Variants in KCNT2 observed in about 807,000 individuals in gnomAD.
The protein encoded by KCNT2 is potassium sodium-activated channel subfamily T member 2.
Under a neutral mutation model 153.8 loss-of-function variants are expected in KCNT2, and 67 were observed. The ratio of observed to expected loss-of-function variants is 0.44; its 90% confidence interval spans 0.36 to 0.53. The LOEUF (loss-of-function observed/expected upper bound fraction) is 0.53, where lower values mean the gene tolerates loss of function less well. KCNT2 is among the 20% of genes least tolerant of loss of function. The probability of loss-of-function intolerance (pLI) is 0.00; values close to 1 mark genes in which losing one functional copy is unlikely to be tolerated. For missense variants in KCNT2, 975 were observed against 1,354.8 expected (o/e 0.72, Z 4.40); for synonymous variants, 500 against 458.8 (o/e 1.09, Z -1.15).
chr1:196,464,688 A>G (rs1007168581), intron 8 of KCNT2, among the ~76,000 whole-genome samples: 1 of 151,974 alleles, frequency 6.6e-6, no homozygotes, highest in Non-Finnish European at 1.5e-5. Context: ...GAATGAATCC[A>G]TATGTCCGGT....
intron 5 of KCNT2, among the ~76,000 whole-genome samples, chr1:196,471,032 C>A (rs1678056843): frequency 6.6e-6 from 1 of 151,734 alleles, no homozygotes; most frequent in Non-Finnish European, 1.5e-5. Flanking sequence ...AGGCACCCAC[C>A]ACCACGCCCG....
chr1:196,438,486 A>C (rs1293830911), intron 8 of KCNT2, among the ~76,000 whole-genome samples: 3 of 151,832 alleles, frequency 2.0e-5, no homozygotes, highest in Non-Finnish European at 4.4e-5. Context: ...AGAAGGCTCC[A>C]AAAAAAGAAG....
intron 4 of KCNT2, among the ~76,000 whole-genome samples, chr1:196,480,330 G>T (rs939622202): frequency 2.0e-5 from 3 of 152,138 alleles, no homozygotes; most frequent in East Asian, 1.9e-4. Flanking sequence ...GAATTTAAAA[G>T]AATATTAAAA....
intron 12 of KCNT2, among the ~76,000 whole-genome samples, chr1:196,407,803 G>A (rs1671952912): frequency 6.6e-6 from 1 of 151,240 alleles, no homozygotes; most frequent in South Asian, 2.1e-4. Flanking sequence ...ATATGTCTTT[G>A]ACATTTAAGA....
chr1:196,461,218 T>G (rs1302026866), intron 8 of KCNT2, among the ~76,000 whole-genome samples: 3 of 137,358 alleles, frequency 2.2e-5, no homozygotes, highest in Non-Finnish European at 4.4e-5. Flanking sequence ...TTTAAATAGG[T>G]TTTAATCGAT....
intron 1 of KCNT2, among the ~76,000 whole-genome samples, chr1:196,527,188 AT>A (rs536103946): frequency 3.0e-4 from 46 of 152,310 alleles, no homozygotes; most frequent in Admixed American, 2.0e-3. Context: ...CCACTGTTCT[AT>A]AGGATATCTC....
chr1:196,387,936 T>A (rs1484093450), intron 13 of KCNT2, among the ~76,000 whole-genome samples: 1 of 151,608 alleles, frequency 6.6e-6, no homozygotes, highest in Non-Finnish European at 1.5e-5. Flanking sequence ...TTTCTTTTTT[T>A]TTTTTTTCTC....
intron 16 of KCNT2, among the ~76,000 whole-genome samples, chr1:196,337,988 A>G (rs1665204780): frequency 1.3e-5 from 2 of 152,236 alleles, no homozygotes; most frequent in South Asian, 4.1e-4. Context: ...CTTGGTACAT[A>G]TTAGGTACTC....
At chr1:196,235,859 A>G in intron 27 of KCNT2, 127 bp downstream of exon 27, 1 of 552,136 alleles carries the variant, frequency 1.8e-6, no homozygotes, top group Non-Finnish European at 3.2e-6. Context: ...TATTTATAAA[A>G]TTAGGTATAG....
intron 14 of KCNT2, among the ~76,000 whole-genome samples, chr1:196,350,831 T>A (rs1187536339): frequency 1.3e-5 from 2 of 152,118 alleles, no homozygotes; most frequent in Non-Finnish European, 2.9e-5. Flanking sequence ...GTTTTTATGG[T>A]TTTAGGTCTA....
At chr1:196,596,214 C>T (rs539398906) in intron 1 of KCNT2, among the ~76,000 whole-genome samples, 15 of 151,974 alleles carry the variant, frequency 9.9e-5, no homozygotes, top group South Asian at 2.1e-4. Flanking sequence ...TTTTCACACA[C>T]ATAGTGACTT....
chr1:196,254,810 T>C (rs552353047), intron 26 of KCNT2, among the ~76,000 whole-genome samples: 24 of 151,622 alleles, frequency 1.6e-4, no homozygotes, highest in Non-Finnish European at 3.0e-4. Context: ...AGTTCTTGGT[T>C]ACTCTATTCA....
At chr1:196,370,259 A>T (rs1317999231) in intron 14 of KCNT2, among the ~76,000 whole-genome samples, 1 of 152,152 alleles carries the variant, frequency 6.6e-6, no homozygotes, top group Non-Finnish European at 1.5e-5. Flanking sequence ...AAGAGCACAG[A>T]ACACTCAAAT....
At chr1:196,239,065 T>G (rs1419863424) in intron 26 of KCNT2, among the ~76,000 whole-genome samples, 1 of 151,834 alleles carries the variant, frequency 6.6e-6, no homozygotes, top group African/African-American at 2.4e-5. Flanking sequence ...AAGATACAAA[T>G]TAATTAAAAT....
intron 18 of KCNT2, among the ~76,000 whole-genome samples, chr1:196,328,369 T>G (rs1162009259): frequency 1.3e-5 from 2 of 151,932 alleles, no homozygotes; most frequent in Admixed American, 6.6e-5. Context: ...AAATTAAGAC[T>G]TGGAAGCTAT....
intron 1 of KCNT2, among the ~76,000 whole-genome samples, chr1:196,573,959 G>C (rs1197688244): frequency 4.0e-5 from 6 of 151,866 alleles, no homozygotes; most frequent in Non-Finnish European, 8.8e-5. Flanking sequence ...GGGAGAGAGA[G>C]AGAGAGAATG....
chr1:196,529,817 T>C (rs1187597951), intron 1 of KCNT2, among the ~76,000 whole-genome samples: 1 of 152,130 alleles, frequency 6.6e-6, no homozygotes, highest in Non-Finnish European at 1.5e-5. Context: ...AAAAATCTTT[T>C]ACATTTATTT....
chr1:196,346,015 A>C (rs1037227690), intron 14 of KCNT2, among the ~76,000 whole-genome samples: 3 of 152,180 alleles, frequency 2.0e-5, no homozygotes, highest in African/African-American at 7.2e-5. Context: ...GAGGTTTCAC[A>C]AACATTTGGC....
intron 25 of KCNT2, among the ~76,000 whole-genome samples, chr1:196,272,947 G>C (rs987839304): frequency 1.3e-5 from 2 of 151,790 alleles, no homozygotes; most frequent in African/African-American, 4.8e-5. Context: ...CTTGAAATTT[G>C]CTAAGAGAGA....
Sources: gnomAD v4.1 joint callset for allele counts (sites outside exome capture counted in the v4.1 genomes callset) on GRCh38, gnomAD v4.1.1 for gene constraint, MANE v1.5 for transcripts, NCBI Gene and HGNC (gene_info 2026-07-23, HGNC 2026-07-21) for gene names.